COMMD7: variants seen among roughly 807,000 people sequenced by gnomAD.
COMMD7 encodes COMM domain containing 7, also known as COMM domain-containing protein 7.
A neutral mutation model predicts 34.8 loss-of-function variants in COMMD7; 28 were observed. The observed-to-expected ratio is 0.80, with a 90% CI of 0.60 to 1.10. The LOEUF (loss-of-function observed/expected upper bound fraction) is 1.10, where lower values mean the gene tolerates loss of function less well. Ranked by LOEUF, COMMD7 falls within the 50% of genes least tolerant of loss-of-function variation. COMMD7 has a pLI of 0.00. For missense variants in COMMD7, 211 were observed against 241.6 expected, an observed-to-expected ratio of 0.87 and a Z score of 0.84; for synonymous variants, 80 against 86.4, an observed-to-expected ratio of 0.93 and a Z score of 0.41.
At chr20:32,737,262 C>T (rs909083348) in intron 1 of COMMD7, among the ~76,000 whole-genome samples, 3 of 151,200 alleles carry the variant, frequency 2.0e-5, no homozygotes, top group South Asian at 4.2e-4. Flanking sequence ...CTCAGCTACT[C>T]GGGAGGCTGA....
chr20:32,715,790 G>A (rs1195230526), intron 3 of COMMD7, among the ~76,000 whole-genome samples: 1 of 152,086 alleles, frequency 6.6e-6, no homozygotes, highest in Non-Finnish European at 1.5e-5. Context: ...CTGGGTGACA[G>A]AGCGAGATTC....
intron 1 of COMMD7, among the ~76,000 whole-genome samples, chr20:32,729,616 TAA>T (rs59640846): frequency 2.1e-5 from 3 of 141,968 alleles, no homozygotes; most frequent in African/African-American, 2.6e-5. Flanking sequence ...CCCCACCTCT[TAA>T]AAAAAAAAAA....
Position 32,704,510 on chromosome 20 carries a change from A to G in COMMD7, c.428-21T>C, listed in dbSNP as rs199774981. 3.6e-3 allele frequency: 4,050 copies of G among 1,132,830 alleles called. 9 individuals carry two copies. The highest frequency in any genetic ancestry group is 0.021 in the African/African-American group (1,320 of 63,372). 70.2% of individuals were successfully genotyped at this position (1,132,830 alleles called of 1,614,324 possible). ...TGTCACTGTGACAAAAAAAAAAAAAAAGAGAGAGAGAGAGAGAAATAACAA... is the reference window on the plus strand; with the variant it reads ...TGTCACTGTGACAAAAAAAAAAAAAGAGAGAGAGAGAGAGAGAAATAACAA... On this transcript the variant is annotated intron_variant, in intron 6 of 8. Coordinates refer to ENST00000278980, the MANE Select transcript of COMMD7 (RefSeq NM_053041.3).
intron 5 of COMMD7, among the ~76,000 whole-genome samples, chr20:32,705,371 TATATA>T (rs765488803): frequency 0.015 from 1,469 of 96,022 alleles, 26 homozygotes; most frequent in African/African-American, 0.043. Flanking sequence ...TATATATATA[TATATA>T]TTTTTTTTTT....
At chr20:32,737,456 G>C (rs2145786703) in intron 1 of COMMD7, among the ~76,000 whole-genome samples, 1 of 151,646 alleles carries the variant, frequency 6.6e-6, no homozygotes, top group South Asian at 2.1e-4. Context: ...ACTTGAGCCT[G>C]GGAGGTCGAG....
chr20:32,740,965 A>G (rs1986407569), intron 1 of COMMD7, among the ~76,000 whole-genome samples: 1 of 151,910 alleles, frequency 6.6e-6, no homozygotes, highest in East Asian at 1.9e-4. Flanking sequence ...CAACATGGTG[A>G]AACGCTGTCT....
chr20:32,740,472 A>G (rs1229843535), intron 1 of COMMD7, among the ~76,000 whole-genome samples: 2 of 152,204 alleles, frequency 1.3e-5, no homozygotes, highest in African/African-American at 4.8e-5. Context: ...TTAAGCATGC[A>G]TGGCATTTTG....
chr20:32,721,943 C>T (rs1468771564), intron 3 of COMMD7, among the ~76,000 whole-genome samples: 1 of 150,588 alleles, frequency 6.6e-6, no homozygotes, highest in Non-Finnish European at 1.5e-5. Context: ...CATCTGTAGT[C>T]CCAGCTATTT....
chr20:32,714,854 C>A (rs1984680220), intron 3 of COMMD7, among the ~76,000 whole-genome samples: 1 of 141,546 alleles, frequency 7.1e-6, no homozygotes, highest in Non-Finnish European at 1.6e-5. Context: ...ACAACAACAA[C>A]AAAAATTAGC....
At chr20:32,728,666 A>C (rs1163260136) in intron 1 of COMMD7, among the ~76,000 whole-genome samples, 1 of 146,996 alleles carries the variant, frequency 6.8e-6, no homozygotes, top group East Asian at 2.2e-4. Flanking sequence ...TCCTGGGCTC[A>C]AGCAATCCTC....
At position 32,703,311 on chromosome 20, in the gene COMMD7, C is replaced by A; in HGVS notation, c.*71G>T. ...ATCCCACAGGCCTGTGAGTGAAGTG[C>A]CTCTCAGAGCAGTCACCCAGGGAAG... On this transcript the variant is annotated 3_prime_UTR_variant, in exon 9 of 9. Coordinates refer to ENST00000278980, the MANE Select transcript of COMMD7 (RefSeq NM_053041.3). The A allele has an allele frequency of 7.2e-7, 1 of 1,384,778 alleles. No individual in the cohort carries two copies. The highest frequency in any genetic ancestry group is 1.0e-6 in the Non-Finnish European group (1 of 988,694). 85.8% of individuals were successfully genotyped at this position (1,384,778 alleles called of 1,614,324 possible). A position where few individuals can be genotyped will look rare whatever the true frequency, so the allele number is the denominator to read the frequency against.
intron 1 of COMMD7, among the ~76,000 whole-genome samples, chr20:32,739,427 C>T (rs1006493842): frequency 3.9e-5 from 6 of 152,036 alleles, no homozygotes; most frequent in African/African-American, 1.2e-4. Flanking sequence ...GGGCGGATCA[C>T]GAGGTCAGGA....
chr20:32,727,961 G>A lies in COMMD7; in HGVS notation c.173C>T (p.Ala58Val). 3.1e-6 allele frequency: 5 copies of A among 1,614,106 alleles called. No homozygotes were observed. The highest frequency in any genetic ancestry group is 4.2e-6 in the Non-Finnish European group (5 of 1,179,986). The change falls in exon 3 of 9, where the codon GCC (alanine) becomes GTC (valine). Residue 58 changes from alanine (A) to valine (V), a missense_variant. Ala to Val is a moderately conservative substitution (Grantham distance 64, BLOSUM62 0). Coordinates refer to ENST00000278980, the MANE Select transcript of COMMD7 (RefSeq NM_053041.3). ...GCCAAGACTGATCTGATTGGTGGTG[G>A]CAAATTCAGAGAGCTGAGCCAGAAA... is the stretch of plus-strand genomic sequence containing the variant. ...ERFLAQLSEF[A>V]TTNQISLGSL...
chr20:32,719,640 A>C (rs1245040623), intron 3 of COMMD7, among the ~76,000 whole-genome samples: 1 of 151,990 alleles, frequency 6.6e-6, no homozygotes, highest in Non-Finnish European at 1.5e-5. Context: ...ACAAGAGCAA[A>C]ACTCCATCTA....
intron 3 of COMMD7, among the ~76,000 whole-genome samples, chr20:32,710,138 T>A (rs28446502): frequency 2.1e-3 from 326 of 152,234 alleles, no homozygotes; most frequent in African/African-American, 7.2e-3. Flanking sequence ...CCTCTCAAAA[T>A]GCTGGGATTA....
At chr20:32,708,980 A>C (rs1249290867) in intron 3 of COMMD7, among the ~76,000 whole-genome samples, 1 of 152,034 alleles carries the variant, frequency 6.6e-6, no homozygotes. Context: ...CTATTATTTT[A>C]ACTTAGTTTA....
chr20:32,735,436 C>A (rs2145782378), intron 1 of COMMD7, among the ~76,000 whole-genome samples: 1 of 151,734 alleles, frequency 6.6e-6, no homozygotes, highest in Middle Eastern at 3.4e-3. Flanking sequence ...TCCTCCTCAG[C>A]CTCCTGAGTA....
At chr20:32,714,553 C>T (rs577161838) in intron 3 of COMMD7, among the ~76,000 whole-genome samples, 4 of 151,706 alleles carry the variant, frequency 2.6e-5, no homozygotes, top group Admixed American at 1.3e-4. Flanking sequence ...AGGCCAGGCA[C>T]GGTGGCTCAT....
At chr20:32,737,163 CAG>C (rs146946268) in intron 1 of COMMD7, among the ~76,000 whole-genome samples, 143 of 151,136 alleles carry the variant, frequency 9.5e-4, no homozygotes, top group African/African-American at 3.3e-3. Context: ...GCCTGGGTGA[CAG>C]AGCGAGACTC....
Sources: gnomAD v4.1 joint callset for allele counts (sites outside exome capture counted in the v4.1 genomes callset) on GRCh38, gnomAD v4.1.1 for gene constraint, MANE v1.5 for transcripts, NCBI Gene and HGNC (gene_info 2026-07-23, HGNC 2026-07-21) for gene names.